Variants in TMED8 observed in about 807,000 individuals in gnomAD.
The protein encoded by TMED8 is transmembrane p24 trafficking protein family member 8.
In TMED8, 15 loss-of-function variants were observed where a neutral mutation model predicts 32.7. The ratio of observed to expected loss-of-function variants is 0.46; its 90% CI spans 0.31 to 0.71. The LOEUF is 0.71. TMED8 is among the 30% of genes least tolerant of loss of function. The pLI, the probability that TMED8 is intolerant of heterozygous loss-of-function variation, is 0.06. For missense variants in TMED8, 390 were observed against 423.9 expected (o/e 0.92, Z 0.70); for synonymous variants, 147 against 161.4 (o/e 0.91, Z 0.68).
intron 2 of TMED8, 71 bp downstream of exon 2, chr14:77,351,602 A>T: frequency 7.2e-7 from 1 of 1,396,098 alleles, no homozygotes; most frequent in Non-Finnish European, 1.0e-6. Flanking sequence ...TAAAGTCACT[A>T]CCTATTTCTT....
intron 1 of TMED8, among the ~76,000 whole-genome samples, chr14:77,360,861 T>C (rs1300355466): frequency 1.3e-5 from 2 of 152,148 alleles, no homozygotes; most frequent in Admixed American, 6.5e-5. Context: ...ATATATCTCA[T>C]TGTGGTTTTA....
At chr14:77,366,639 A>G (rs1271266973) in intron 1 of TMED8, among the ~76,000 whole-genome samples, 2 of 152,232 alleles carry the variant, frequency 1.3e-5, no homozygotes, top group African/African-American at 4.8e-5. Context: ...TAAAGTACCT[A>G]GCTATTCTAC....
intron 1 of TMED8, among the ~76,000 whole-genome samples, chr14:77,364,062 G>A (rs147463544): frequency 1.6e-4 from 25 of 152,252 alleles, no homozygotes; most frequent in Admixed American, 3.9e-4. Flanking sequence ...ATGAGTGCCC[G>A]TTTCCCCACA....
At chr14:77,360,431 T>C (rs1195595105) in intron 1 of TMED8, among the ~76,000 whole-genome samples, 1 of 152,080 alleles carries the variant, frequency 6.6e-6, no homozygotes, top group Non-Finnish European at 1.5e-5. Context: ...ATTACATATA[T>C]AAGAGAGATC....
intron 1 of TMED8, among the ~76,000 whole-genome samples, chr14:77,352,306 T>C (rs1429299650): frequency 6.6e-6 from 1 of 151,702 alleles, no homozygotes. Flanking sequence ...CCTAGCTACT[T>C]GGTAGGCTGA....
At chr14:77,353,614 C>T (rs1893230031) in intron 1 of TMED8, among the ~76,000 whole-genome samples, 1 of 151,296 alleles carries the variant, frequency 6.6e-6, no homozygotes, top group African/African-American at 2.4e-5. Flanking sequence ...CCATGCCAGA[C>T]TGATTTTTTT....
intron 2 of TMED8, among the ~76,000 whole-genome samples, chr14:77,348,757 A>G (rs1893109387): frequency 6.6e-6 from 1 of 152,218 alleles, no homozygotes; most frequent in Non-Finnish European, 1.5e-5. Context: ...AACATAAACA[A>G]GAAGAATCAC....
rs1362655072 is a variant in TMED8, at chr14:77,372,936, A to T, written c.118+4000T>A. Among the ~76,000 whole-genome samples the T allele has an allele frequency of 8.8e-3, 271 of 30,650 alleles. 11 individuals are homozygous for T. Among genetic ancestry groups the T allele is most frequent in the African/African-American group, 0.036 (142 of 3,902 alleles). The allele number at this position is 30,650 out of a possible 152,430, so 20.1% of individuals were successfully genotyped here. ...TATATATATATATATATATATATAT[A>T]TATATATATATATATATTTTTTTTT... is the stretch of plus-strand genomic sequence containing the variant. On this transcript the variant is annotated intron_variant, in intron 1 of 5. Transcript: ENST00000216468.
intron 1 of TMED8, among the ~76,000 whole-genome samples, chr14:77,372,932 ATATATATATATATATATATATTTTTTTT>A (rs1208860049): frequency 2.5e-4 from 8 of 32,356 alleles, no homozygotes; most frequent in African/African-American, 1.3e-3. Flanking sequence ...ATATATATAT[ATATATATATATATATATATATTTTTTTT>A]TTTTTTTTTT....
In TMED8 at chr14:77,343,743, A is replaced by G. The variant is rs74063335; in HGVS notation, c.408T>C (p.Leu136=). 4,279 of 1,614,194 alleles carry G rather than the reference A, an allele frequency of 2.7e-3. 91 individuals are homozygous for G. The African/African-American group carries it at 0.051, about 19-fold the overall frequency. The part of the protein sequence containing the change: ...QSEHTGAIDV[L]SADLESADLL... Reference sequence around the variant, plus strand: ...GATCTGCAGATTCCAAATCAGCTGAAAGAACATCTATAGCTCCTGTATGTT... The same window carrying G: ...GATCTGCAGATTCCAAATCAGCTGAGAGAACATCTATAGCTCCTGTATGTT... Residue 136 remains leucine, a synonymous_variant, in exon 4 of 6, where the codon CTT becomes CTC. Coordinates refer to ENST00000216468, the MANE Select transcript of TMED8 (RefSeq NM_213601.3).
At chr14:77,346,994 T>C (rs1391162350) in intron 2 of TMED8, among the ~76,000 whole-genome samples, 1 of 152,116 alleles carries the variant, frequency 6.6e-6, no homozygotes, top group Non-Finnish European at 1.5e-5. Flanking sequence ...TTATTAACTA[T>C]TGTCACCATG....
chr14:77,355,881 G>A (rs927312665), intron 1 of TMED8, among the ~76,000 whole-genome samples: 5 of 152,170 alleles, frequency 3.3e-5, no homozygotes, highest in African/African-American at 4.8e-5. Flanking sequence ...TATCCAAGAC[G>A]GAAACAGACT....
chr14:77,342,033 T>C (rs775307377), intron 5 of TMED8, 45 bp from the exon 6 acceptor site: 1 of 1,573,022 alleles, frequency 6.4e-7, no homozygotes, highest in Non-Finnish European at 8.7e-7. Flanking sequence ...GCGTAAGTCC[T>C]GCCTGAAGGT....
intron 3 of TMED8, among the ~76,000 whole-genome samples, chr14:77,344,870 C>T (rs1399666575): frequency 6.6e-6 from 1 of 152,226 alleles, no homozygotes; most frequent in Non-Finnish European, 1.5e-5. Flanking sequence ...CTTTGGCTAG[C>T]GTGCTTAAAT....
intron 1 of TMED8, among the ~76,000 whole-genome samples, chr14:77,365,386 T>C (rs1893530215): frequency 6.6e-6 from 1 of 152,184 alleles, no homozygotes; most frequent in Non-Finnish European, 1.5e-5. Context: ...GATAGAATTA[T>C]GCACTAGATG....
intron 1 of TMED8, among the ~76,000 whole-genome samples, chr14:77,352,427 A>T (rs1893200639): frequency 6.7e-6 from 1 of 148,752 alleles, no homozygotes; most frequent in Admixed American, 6.8e-5. Context: ...AAATAATAAT[A>T]ATAAATTTTA....
rs1038210198 is a variant in TMED8, at chr14:77,376,897, C to T, written c.118+39G>A. On this transcript the variant is annotated intron_variant, in intron 1 of 5. Transcript: ENST00000216468. The surrounding 1 kb of genome is among the most constrained non-coding windows in gnomAD (Gnocchi z 4.0). ...GCGCCGTGGTGCGGGGCCCTGAGGCCGGGCGGCACCCACCCGCCAGCGCCC... is the reference window on the plus strand; with the variant it reads ...GCGCCGTGGTGCGGGGCCCTGAGGCTGGGCGGCACCCACCCGCCAGCGCCC... The T allele has an allele frequency of 1.0e-5, 13 of 1,273,288 alleles. No individual in the cohort carries two copies. The highest frequency in any genetic ancestry group is 3.3e-5 in the South Asian group (2 of 59,776). 78.9% of individuals were successfully genotyped at this position (1,273,288 alleles called of 1,614,324 possible). A position where few individuals can be genotyped will look rare whatever the true frequency, so the allele number is the denominator to read the frequency against.
intron 1 of TMED8, among the ~76,000 whole-genome samples, chr14:77,362,946 C>A (rs1352145053): frequency 6.6e-6 from 1 of 152,136 alleles, no homozygotes; most frequent in Non-Finnish European, 1.5e-5. Flanking sequence ...TACATATGCA[C>A]TCAACATCAG....
intron 1 of TMED8, among the ~76,000 whole-genome samples, chr14:77,367,695 CTT>C (rs769529439): frequency 6.9e-6 from 1 of 144,848 alleles, no homozygotes. Context: ...AACTTTCTTT[CTT>C]TTTTTTTTTT....
Sources: allele counts gnomAD v4.1 joint callset (sites outside exome capture counted in the v4.1 genomes callset), GRCh38; gene constraint gnomAD v4.1.1; non-coding constraint Gnocchi (gnomAD v3.1); transcripts MANE v1.5; gene names NCBI Gene and HGNC (gene_info 2026-07-23, HGNC 2026-07-21).